CTNNA2: variants seen among roughly 807,000 people sequenced by gnomAD.
CTNNA2 encodes catenin alpha-2.
A neutral mutation model predicts 101.0 loss-of-function variants in CTNNA2; 42 were observed. The ratio of observed to expected loss-of-function variants is 0.42; its 90% CI spans 0.32 to 0.54. The LOEUF (loss-of-function observed/expected upper bound fraction) is 0.54. Ranked by LOEUF, CTNNA2 falls within the 20% of genes least tolerant of loss-of-function variation. CTNNA2 has a pLI of 0.14. For synonymous variants in CTNNA2, 450 were observed against 456.4 expected (o/e 0.99, Z 0.18); for missense variants, 871 against 1,223.1 (o/e 0.71, Z 4.29).
intron 7 of CTNNA2, among the ~76,000 whole-genome samples, chr2:80,161,915 C>G (rs1307395853): frequency 6.6e-6 from 1 of 150,886 alleles, no homozygotes; most frequent in East Asian, 2.0e-4. Flanking sequence ...TAGGGTAAAG[C>G]TCAAGAGCAT....
chr2:80,454,655 G>T (rs1683806933), intron 9 of CTNNA2, among the ~76,000 whole-genome samples: 1 of 152,218 alleles, frequency 6.6e-6, no homozygotes, highest in Admixed American at 6.5e-5. Context: ...CTGACGGAGG[G>T]CAAGTACCCT....
intron 1 of CTNNA2, among the ~76,000 whole-genome samples, chr2:79,580,699 A>G (rs1676096030): frequency 6.6e-6 from 1 of 152,214 alleles, no homozygotes; most frequent in African/African-American, 2.4e-5. Flanking sequence ...GAGAAATATA[A>G]GGAAATGTAT....
At chr2:80,513,406 C>A (rs1688864260) in intron 9 of CTNNA2, among the ~76,000 whole-genome samples, 1 of 152,204 alleles carries the variant, frequency 6.6e-6, no homozygotes, top group African/African-American at 2.4e-5. Context: ...TTGACAGATT[C>A]TCTGTACCAC....
intron 7 of CTNNA2, among the ~76,000 whole-genome samples, chr2:80,052,258 A>G (rs182232492): frequency 1.7e-3 from 265 of 152,344 alleles, no homozygotes; most frequent in African/African-American, 6.1e-3. Flanking sequence ...TAATAGATAC[A>G]GCTACATACA....
chr2:79,364,115 A>T (rs1489085058), intron 3 of CTNNA2, among the ~76,000 whole-genome samples: 20 of 152,280 alleles, frequency 1.3e-4, no homozygotes. Context: ...GAGGAAAAAA[A>T]TTGCCAGCAA....
chr2:80,044,127 T>A (rs1696360811), intron 7 of CTNNA2, among the ~76,000 whole-genome samples: 1 of 152,220 alleles, frequency 6.6e-6, no homozygotes, highest in Non-Finnish European at 1.5e-5. Context: ...CCAGAGGATA[T>A]TTATTATTGG....
rs72914672 is a variant in CTNNA2, at chr2:79,816,572, G to A, written c.299-41441G>A. ...GGAGCATATATCTCCTTACTAGGAA[G>A]CCAAAAGAAAAGAGAGTTCAAAGAT... is the stretch of plus-strand genomic sequence containing the variant. On this transcript the variant is annotated intron_variant, in intron 3 of 18. Coordinates refer to ENST00000402739, the MANE Select transcript of CTNNA2 (RefSeq NM_001282597.3). Among the ~76,000 whole-genome samples the A allele has an allele frequency of 1.1e-3, 173 of 152,232 alleles. 1 individual carries two copies. Among genetic ancestry groups the A allele is most frequent in the African/African-American group, 3.8e-3 (156 of 41,544 alleles).
chr2:79,518,644 A>T (rs1351135625), intron 1 of CTNNA2, among the ~76,000 whole-genome samples: 1 of 152,196 alleles, frequency 6.6e-6, no homozygotes, highest in Non-Finnish European at 1.5e-5. Context: ...ATTTGTAAGC[A>T]TTTGGTGAAA....
intron 7 of CTNNA2, among the ~76,000 whole-genome samples, chr2:79,998,564 C>T (rs566284242): frequency 1.3e-5 from 2 of 152,220 alleles, no homozygotes; most frequent in South Asian, 2.1e-4. Flanking sequence ...CCTGTGTTTC[C>T]TGTAGCCAAA....
intron 7 of CTNNA2, among the ~76,000 whole-genome samples, chr2:80,237,646 C>T (rs891667786): frequency 6.6e-6 from 1 of 152,112 alleles, no homozygotes; most frequent in Admixed American, 6.5e-5. Context: ...GTGGAACAGA[C>T]ACCTGCATAG....
Position 79,913,125 on chromosome 2 carries a change from G to T in CTNNA2, c.1056+3328G>T, listed in dbSNP as rs573784257. Among the ~76,000 whole-genome samples the T allele has an allele frequency of 2.0e-5, 3 of 152,314 alleles. No individual in the cohort carries two copies. In the South Asian group the frequency reaches 6.2e-4, roughly 32 times the overall value. ...AGGAGACAGACAGTAAATACTAAGT[G>T]ATATGAGCAAGAGTCACTTCAGATA... On this transcript the variant is annotated intron_variant, in intron 7 of 18. Coordinates refer to ENST00000402739, the MANE Select transcript of CTNNA2 (RefSeq NM_001282597.3).
At chr2:80,343,838 A>G (rs1419832928) in intron 7 of CTNNA2, among the ~76,000 whole-genome samples, 1 of 152,208 alleles carries the variant, frequency 6.6e-6, no homozygotes, top group Non-Finnish European at 1.5e-5. Flanking sequence ...AACCTAAACA[A>G]TATTCTGTGG....
At chr2:79,237,699 T>C (rs1192644083) in intron 2 of CTNNA2, among the ~76,000 whole-genome samples, 3 of 152,232 alleles carry the variant, frequency 2.0e-5, no homozygotes, top group Non-Finnish European at 4.4e-5. Flanking sequence ...TCAGTACTTG[T>C]TGCTTTACCT....
intron 8 of CTNNA2, among the ~76,000 whole-genome samples, chr2:80,415,750 T>C (rs1679981850): frequency 6.6e-6 from 1 of 152,126 alleles, no homozygotes; most frequent in South Asian, 2.1e-4. Context: ...GCAGCATTAT[T>C]TACGATAGCC....
intron 4 of CTNNA2, 79 bp downstream of exon 4, chr2:79,858,258 C>A (rs1681300238): frequency 8.6e-7 from 1 of 1,167,226 alleles, no homozygotes; most frequent in Non-Finnish European, 1.2e-6. Flanking sequence ...CTGGCCTCTA[C>A]TCTAGATGTT....
intron 9 of CTNNA2, among the ~76,000 whole-genome samples, chr2:80,544,061 T>A (rs568053104): frequency 5.3e-5 from 8 of 152,116 alleles, no homozygotes; most frequent in Admixed American, 1.3e-4. Context: ...TTACCAACTC[T>A]CCTTCAAGAG....
chr2:79,546,332 T>C (rs937424214), intron 1 of CTNNA2, among the ~76,000 whole-genome samples: 2 of 152,172 alleles, frequency 1.3e-5, no homozygotes, highest in Non-Finnish European at 2.9e-5. Flanking sequence ...AGCAGAACTG[T>C]AACTCCAACC....
chr2:80,129,796 C>G (rs1456329836), intron 7 of CTNNA2, among the ~76,000 whole-genome samples: 1 of 152,100 alleles, frequency 6.6e-6, no homozygotes, highest in East Asian at 1.9e-4. Context: ...TCCTTTGGAA[C>G]CTGGATCGGC....
At chr2:79,518,747 C>T (rs537914685) in intron 1 of CTNNA2, among the ~76,000 whole-genome samples, 10 of 152,280 alleles carry the variant, frequency 6.6e-5, no homozygotes, top group African/African-American at 2.4e-4. Flanking sequence ...TAGCAATGTC[C>T]CTTAACTACT....
Sources: gnomAD v4.1 joint callset for allele counts (sites outside exome capture counted in the v4.1 genomes callset) on GRCh38, gnomAD v4.1.1 for gene constraint, MANE v1.5 for transcripts, NCBI Gene and HGNC (gene_info 2026-07-23, HGNC 2026-07-21) for gene names.